The following PTK7 variants were observed in gnomAD, a reference collection of about 807,000 sequenced individuals.
The protein encoded by PTK7 is inactive tyrosine-protein kinase 7.
A neutral mutation model predicts 116.6 loss-of-function variants in PTK7; 39 were observed. The observed-to-expected ratio is 0.33, with a 90% CI of 0.26 to 0.44. The LOEUF (loss-of-function observed/expected upper bound fraction) is 0.44. Among genes scored for constraint, PTK7 ranks in the 20% least tolerant of loss-of-function variants. The pLI, the probability that PTK7 is intolerant of heterozygous loss-of-function variation, is 1.00. For missense variants in PTK7, 1,169 were observed against 1,425.6 expected (o/e 0.82, Z 2.90); for synonymous variants, 546 against 563.6 (o/e 0.97, Z 0.44).
rs1476958975 is a variant in PTK7 at position 43,143,943 on chromosome 6, A to G, written c.2251+323A>G. ...GCTGTTGCATGTCTTGTCTCCCTCT[A>G]TGAGTCTAAGAGCTCCCCCAGGGGC... On this transcript the variant is annotated intron_variant, in intron 14 of 19. Coordinates refer to ENST00000230419, the MANE Select transcript of PTK7 (RefSeq NM_002821.5). This position sits in a 1 kb window ranked among gnomAD's most constrained non-coding sequence, Gnocchi z 4.2. Among the ~76,000 whole-genome samples the G allele has an allele frequency of 3.3e-5, 5 of 152,108 alleles. No homozygotes were observed. The highest frequency in any genetic ancestry group is 1.9e-4 in the East Asian group (1 of 5,186).
At chr6:43,152,750 TTA>T (rs1231847606) in intron 17 of PTK7, among the ~76,000 whole-genome samples, 2 of 120,342 alleles carry the variant, frequency 1.7e-5, no homozygotes, top group African/African-American at 7.3e-5. Context: ...TTATGTTATG[TTA>T]TGTTATGTTA....
At chr6:43,126,568 C>A (rs1016560336) in intron 1 of PTK7, among the ~76,000 whole-genome samples, 1 of 152,204 alleles carries the variant, frequency 6.6e-6, no homozygotes, top group Non-Finnish European at 1.5e-5. Flanking sequence ...GAATGTGACT[C>A]CTCATTGTAG....
chr6:43,104,030 CT>C (rs1260421513), intron 1 of PTK7, among the ~76,000 whole-genome samples: 1 of 152,188 alleles, frequency 6.6e-6, no homozygotes, highest in Non-Finnish European at 1.5e-5. Flanking sequence ...CCTTCACTGT[CT>C]TGTTCACTGC....
chr6:43,101,764 C>T (rs1031026064), intron 1 of PTK7, among the ~76,000 whole-genome samples: 6 of 152,052 alleles, frequency 3.9e-5, no homozygotes, highest in South Asian at 2.1e-4. Context: ...TACTTAGAAA[C>T]GTTGGTGTAA....
chr6:43,134,985 AAAG>A (rs1334646871), intron 7 of PTK7, among the ~76,000 whole-genome samples: 1 of 152,070 alleles, frequency 6.6e-6, no homozygotes, highest in Non-Finnish European at 1.5e-5. Flanking sequence ...GCCTTGAAAA[AAAG>A]AAAAAAAATG....
At chr6:43,146,575 G>T in intron 16 of PTK7, 43 bp from the exon 17 acceptor site, 1 of 1,576,778 alleles carries the variant, frequency 6.3e-7, no homozygotes, top group South Asian at 1.1e-5. Context: ...TACAGCCAAT[G>T]GCTGTGCACT....
intron 1 of PTK7, among the ~76,000 whole-genome samples, chr6:43,101,760 G>A (rs975905305): frequency 1.3e-5 from 2 of 152,158 alleles, no homozygotes; most frequent in Non-Finnish European, 2.9e-5. Context: ...ACACTACTTA[G>A]AAACGTTGGT....
At chr6:43,082,767 T>C (rs1766449803) in intron 1 of PTK7, among the ~76,000 whole-genome samples, 1 of 152,242 alleles carries the variant, frequency 6.6e-6, no homozygotes. Flanking sequence ...CTCTAGGAAG[T>C]CTGCAATATT....
At chr6:43,111,695 C>T (rs975571983) in intron 1 of PTK7, among the ~76,000 whole-genome samples, 3 of 152,116 alleles carry the variant, frequency 2.0e-5, no homozygotes, top group Non-Finnish European at 4.4e-5. Context: ...ACAGGTCTCA[C>T]TCTGTCACAC....
At chr6:43,133,063 C>T (rs1769806550) in intron 7 of PTK7, 1 of 420,326 alleles carries the variant, frequency 2.4e-6, no homozygotes, top group South Asian at 1.0e-4. Context: ...CAGTAATCTA[C>T]TACCTACCCC....
At chr6:43,152,791 T>TATGTA (rs1375281876) in intron 17 of PTK7, among the ~76,000 whole-genome samples, 6 of 141,072 alleles carry the variant, frequency 4.3e-5, no homozygotes, top group East Asian at 4.4e-4. Context: ...TATGTTATGT[T>TATGTA]ATGTATTCTT....
chr6:43,077,104 A>G, intron 1 of PTK7: 10 of 1,158,718 alleles, frequency 8.6e-6, no homozygotes, highest in Non-Finnish European at 1.1e-5. Flanking sequence ...TTCCTGGGCA[A>G]AGCTGAGACC....
chr6:43,159,784 G>T lies in PTK7; in HGVS notation c.2874-4G>T. ...CTCACCCCTGGGTTGCTTCTCTCCT[G>T]CAGTGAGTACTACCACTTCCGCCAG... On this transcript the variant is annotated splice_region_variant and splice_polypyrimidine_tract_variant and intron_variant, in intron 18 of 19. Transcript: ENST00000230419. 6.2e-7 allele frequency: 1 copy of T among 1,614,200 alleles called. No homozygotes were observed. Among genetic ancestry groups the T allele is most frequent in the Non-Finnish European group, 8.5e-7 (1 of 1,180,030 alleles).
chr6:43,131,686 C>T (rs765548479), intron 5 of PTK7: 4 of 360,928 alleles, frequency 1.1e-5, no homozygotes, highest in Non-Finnish European at 2.1e-5. Flanking sequence ...CCTCCCACAA[C>T]ATGTGGGAAT....
At chr6:43,090,804 C>T (rs1241912101) in intron 1 of PTK7, among the ~76,000 whole-genome samples, 2 of 152,172 alleles carry the variant, frequency 1.3e-5, no homozygotes, top group South Asian at 2.1e-4. Context: ...GTTAAATGTG[C>T]TTTATATATA....
At position 43,141,840 on chromosome 6, in the gene PTK7, G is replaced by C. The variant is rs1450841272; in HGVS notation, c.1768+23G>C. On this transcript the variant is annotated intron_variant, in intron 11 of 19. Transcript: ENST00000230419. This position sits in a 1 kb window ranked among gnomAD's most constrained non-coding sequence, Gnocchi z 4.9. ...CAGGTGCGACCGTGGCAGGGCCCTG[G>C]GGCTGGGAGGGCCCTCTGGGGTAGC... The C allele has an allele frequency of 6.2e-7, 1 of 1,610,140 alleles. No individual in the cohort carries two copies. The highest frequency in any genetic ancestry group is 1.1e-5 in the South Asian group (1 of 90,978).
chr6:43,133,013 A>C (rs1582165510), intron 7 of PTK7: 1 of 481,158 alleles, frequency 2.1e-6, no homozygotes, highest in Non-Finnish European at 3.7e-6. Flanking sequence ...CAAATCACCC[A>C]CCTTACTGGG....
intron 7 of PTK7, among the ~76,000 whole-genome samples, chr6:43,138,342 A>T (rs2150443719): frequency 6.6e-6 from 1 of 152,268 alleles, no homozygotes; most frequent in South Asian, 2.1e-4. Context: ...AGATAATGTT[A>T]ACTAAGTTAA....
At chr6:43,095,249 G>A (rs1767183431) in intron 1 of PTK7, among the ~76,000 whole-genome samples, 1 of 148,840 alleles carries the variant, frequency 6.7e-6, no homozygotes, top group Non-Finnish European at 1.5e-5. Flanking sequence ...GCGCATGCCT[G>A]TAATCCCAGC....
Sources: allele counts gnomAD v4.1 joint callset (sites outside exome capture counted in the v4.1 genomes callset), GRCh38; gene constraint gnomAD v4.1.1; non-coding constraint Gnocchi (gnomAD v3.1); transcripts MANE v1.5; gene names NCBI Gene and HGNC (gene_info 2026-07-23, HGNC 2026-07-21).